BMAL2: variants seen among roughly 807,000 people sequenced by gnomAD.
BMAL2 encodes the protein basic helix-loop-helix ARNT like 2.
At chr12:27,348,335 C>T in the BMAL2 span, among the ~76,000 whole-genome samples, 1 of 152,198 alleles carries the variant, frequency 6.6e-6, no homozygotes, top group African/African-American at 2.4e-5. Context: ...GTCACTTTTG[C>T]ACATGGCATA....
the BMAL2 span, among the ~76,000 whole-genome samples, chr12:27,360,051 T>TTA: frequency 8.7e-6 from 1 of 115,268 alleles, no homozygotes; most frequent in African/African-American, 3.4e-5. Flanking sequence ...AGACCCTATT[T>TTA]AAAAAAAAAA....
the BMAL2 span, chr12:27,389,965 A>G: frequency 5.6e-6 from 6 of 1,071,658 alleles, no homozygotes; most frequent in Non-Finnish European, 8.2e-6. Flanking sequence ...TTACTGTACA[A>G]TCATGCCATT....
chr12:27,339,308 A>G, the BMAL2 span, among the ~76,000 whole-genome samples: 4 of 152,184 alleles, frequency 2.6e-5, no homozygotes, highest in Non-Finnish European at 5.9e-5. Context: ...TTTTATGGCT[A>G]CATAATATTC....
chr12:27,410,796 A>G, the BMAL2 span, among the ~76,000 whole-genome samples: 3 of 152,234 alleles, frequency 2.0e-5, no homozygotes, highest in Admixed American at 6.5e-5. Flanking sequence ...CTTTTCCAGA[A>G]CACATGTATG....
the BMAL2 span, among the ~76,000 whole-genome samples, chr12:27,404,125 G>A: frequency 6.8e-6 from 1 of 146,894 alleles, no homozygotes; most frequent in Non-Finnish European, 1.5e-5. Flanking sequence ...TGTCAAGGCT[G>A]TAGTCAGCTG....
At chr12:27,367,361 A>C in the BMAL2 span, among the ~76,000 whole-genome samples, 1 of 152,160 alleles carries the variant, frequency 6.6e-6, no homozygotes, top group Non-Finnish European at 1.5e-5. Flanking sequence ...CTTATGAATG[A>C]TTTATTTCTG....
At chr12:27,413,873 T>C in the BMAL2 span, among the ~76,000 whole-genome samples, 1 of 152,072 alleles carries the variant, frequency 6.6e-6, no homozygotes, top group Non-Finnish European at 1.5e-5. Context: ...GAATAGATGT[T>C]AAGTCAAAAA....
the BMAL2 span, chr12:27,400,516 T>A: frequency 6.5e-7 from 1 of 1,539,918 alleles, no homozygotes; most frequent in Middle Eastern, 1.7e-4. Context: ...ATGTCCTTTT[T>A]AAAAATCTTT....
the BMAL2 span, chr12:27,421,881 TTAAC>T: frequency 6.6e-6 from 1 of 152,206 alleles, no homozygotes; most frequent in Non-Finnish European, 1.5e-5. Context: ...GATTAAATGA[TTAAC>T]TAACTGACCC....
the BMAL2 span, among the ~76,000 whole-genome samples, chr12:27,394,849 C>G: frequency 6.6e-6 from 1 of 152,186 alleles, no homozygotes; most frequent in Non-Finnish European, 1.5e-5. Flanking sequence ...CACCAGAGAG[C>G]TTTTTGTCTC....
At chr12:27,373,226 A>C in the BMAL2 span, among the ~76,000 whole-genome samples, 1 of 152,162 alleles carries the variant, frequency 6.6e-6, no homozygotes, top group African/African-American at 2.4e-5. Flanking sequence ...AGAAGATAGG[A>C]TCAATAGGAC....
chr12:27,399,137 G>A, the BMAL2 span, among the ~76,000 whole-genome samples: 1 of 152,190 alleles, frequency 6.6e-6, no homozygotes, highest in African/African-American at 2.4e-5. Context: ...TTTGTGAAAT[G>A]TTGGATACAA....
chr12:27,418,204 T>A, the BMAL2 span: 9 of 1,588,018 alleles, frequency 5.7e-6, no homozygotes, highest in East Asian at 2.0e-4. Context: ...TCAGTAAGTT[T>A]TCTTTGGGAA....
the BMAL2 span, among the ~76,000 whole-genome samples, chr12:27,382,586 C>T: frequency 6.6e-6 from 1 of 152,192 alleles, no homozygotes; most frequent in Non-Finnish European, 1.5e-5. Context: ...GTTAAGTACT[C>T]ATCCCCGCAG....
chr12:27,397,434 T>C, the BMAL2 span, among the ~76,000 whole-genome samples: 1 of 152,222 alleles, frequency 6.6e-6, no homozygotes, highest in East Asian at 1.9e-4. Context: ...AAGGTGTTTT[T>C]CTTCCCTTTT....
chr12:27,389,503 A>G, the BMAL2 span, among the ~76,000 whole-genome samples: 3 of 152,178 alleles, frequency 2.0e-5, no homozygotes, highest in Non-Finnish European at 4.4e-5. Flanking sequence ...AAATTCATTG[A>G]TATGAAGATG....
the BMAL2 span, among the ~76,000 whole-genome samples, chr12:27,398,884 C>T: frequency 8.5e-3 from 1,293 of 152,218 alleles, 7 homozygotes; most frequent in Middle Eastern, 0.027. Flanking sequence ...TTTTTAACTG[C>T]CATCTAGCTT....
At chr12:27,335,794 G>A in the BMAL2 span, among the ~76,000 whole-genome samples, 2 of 151,782 alleles carry the variant, frequency 1.3e-5, no homozygotes, top group Non-Finnish European at 2.9e-5. Context: ...GGAGGAGGAA[G>A]GAGAGAGTGA....
the BMAL2 span, among the ~76,000 whole-genome samples, chr12:27,383,533 A>G: frequency 6.6e-6 from 1 of 152,142 alleles, no homozygotes; most frequent in African/African-American, 2.4e-5. Flanking sequence ...TCTCTCGAGC[A>G]CATCCCCACT....
Sources: allele counts gnomAD v4.1 joint callset (sites outside exome capture counted in the v4.1 genomes callset), GRCh38; gene constraint gnomAD v4.1.1; transcripts MANE v1.5; gene names NCBI Gene and HGNC (gene_info 2026-07-23, HGNC 2026-07-21).